Variants in RPTOR observed in about 807,000 individuals in gnomAD.
The protein encoded by RPTOR is regulatory-associated protein of mTOR.
In RPTOR, 21 loss-of-function variants were observed where a neutral mutation model predicts 169.9. The observed-to-expected ratio is 0.12, with a 90% confidence interval of 0.09 to 0.18. The LOEUF is 0.18. RPTOR is among the 10% of genes least tolerant of loss of function. The probability of loss-of-function intolerance (pLI) is 1.00; values close to 1 mark genes in which losing one functional copy is unlikely to be tolerated. For synonymous variants in RPTOR, 732 were observed against 753.2 expected (o/e 0.97, Z 0.46); for missense variants, 1,133 against 1,855.9 (o/e 0.61, Z 7.16).
intron 1 of RPTOR, among the ~76,000 whole-genome samples, chr17:80,598,949 T>G (rs2065166036): frequency 6.6e-6 from 1 of 151,000 alleles, no homozygotes; most frequent in Non-Finnish European, 1.5e-5. Flanking sequence ...TGGGTCTTGC[T>G]CTGTTGCCCA....
At chr17:80,852,943 A>G (rs2067809554) in intron 11 of RPTOR, among the ~76,000 whole-genome samples, 2 of 149,338 alleles carry the variant, frequency 1.3e-5, no homozygotes, top group Non-Finnish European at 3.0e-5. Flanking sequence ...GGGTTTTCAA[A>G]CTCATCCCAA....
In RPTOR at chr17:80,964,501, C is replaced by T. The variant is rs2069399737; in HGVS notation, c.*171C>T. On this transcript the variant is annotated 3_prime_UTR_variant, in exon 34 of 34. Transcript: ENST00000306801. Reference sequence around the variant, plus strand: ...TGCTACTCGCTTTTGTCTGTCTTCGCTGTCGTGTCTGGAATGTCAGGGAAG... The same window carrying T: ...TGCTACTCGCTTTTGTCTGTCTTCGTTGTCGTGTCTGGAATGTCAGGGAAG... 4.6e-6 allele frequency: 3 copies of T among 650,058 alleles called. No homozygotes were observed. Among genetic ancestry groups the T allele is most frequent in the South Asian group, 3.7e-5 (2 of 54,352 alleles). 40.3% of individuals were successfully genotyped at this position (650,058 alleles called of 1,614,324 possible).
intron 12 of RPTOR, 60 bp downstream of exon 12, chr17:80,855,607 T>A (rs1358308590): frequency 1.6e-6 from 2 of 1,247,382 alleles, no homozygotes; most frequent in African/African-American, 1.5e-5. Context: ...TTAGGCTCCG[T>A]GTTTCAGTCT....
chr17:80,868,777 G>A (rs1464920987), intron 13 of RPTOR, among the ~76,000 whole-genome samples: 1 of 152,214 alleles, frequency 6.6e-6, no homozygotes, highest in Non-Finnish European at 1.5e-5. Flanking sequence ...TCCATGCGAT[G>A]AAATCGTACT....
intron 4 of RPTOR, among the ~76,000 whole-genome samples, chr17:80,716,365 ATCT>A (rs761471958): frequency 2.6e-5 from 4 of 152,020 alleles, no homozygotes; most frequent in Admixed American, 1.3e-4. Context: ...CCATTTGTAT[ATCT>A]TCTTCTGATA....
chr17:80,636,784 G>A (rs2065510620), intron 2 of RPTOR, among the ~76,000 whole-genome samples: 1 of 152,146 alleles, frequency 6.6e-6, no homozygotes, highest in African/African-American at 2.4e-5. Flanking sequence ...CCCCAGTGCT[G>A]CATGGGGAGC....
intron 1 of RPTOR, among the ~76,000 whole-genome samples, chr17:80,618,017 G>A (rs953445132): frequency 6.9e-6 from 1 of 145,448 alleles, no homozygotes; most frequent in Non-Finnish European, 1.5e-5. Flanking sequence ...GTCTTGCTCT[G>A]TCACCCAGGG....
intron 20 of RPTOR, among the ~76,000 whole-genome samples, chr17:80,896,445 TGCCGACACCCCACAC>T (rs2068403478): frequency 1.5e-5 from 1 of 68,596 alleles, no homozygotes; most frequent in African/African-American, 5.5e-5. Flanking sequence ...CCCACGGCCA[TGCCGACACCCCACAC>T]GGCCGCACCG....
intron 2 of RPTOR, among the ~76,000 whole-genome samples, chr17:80,626,162 C>T (rs1283192579): frequency 1.3e-5 from 2 of 152,250 alleles, no homozygotes; most frequent in South Asian, 2.1e-4. Context: ...AAGCCATTCT[C>T]ATGGCTCAGC....
At chr17:80,690,208 A>G (rs2065979020) in intron 3 of RPTOR, among the ~76,000 whole-genome samples, 1 of 151,502 alleles carries the variant, frequency 6.6e-6, no homozygotes, top group South Asian at 2.1e-4. Context: ...GCCCCCACCC[A>G]GTCCCCCCTT....
At chr17:80,906,030 G>T (rs753775767) in intron 20 of RPTOR, among the ~76,000 whole-genome samples, 13 of 152,208 alleles carry the variant, frequency 8.5e-5, no homozygotes, top group Non-Finnish European at 1.5e-4. Flanking sequence ...TAATCAAGGG[G>T]AGTGGGTCTC....
intron 13 of RPTOR, among the ~76,000 whole-genome samples, chr17:80,876,753 G>C (rs12948430): frequency 1.1e-5 from 1 of 92,776 alleles, no homozygotes; most frequent in Non-Finnish European, 2.1e-5. Flanking sequence ...CCCGTGCCAC[G>C]CAGGGTGTGT....
chr17:80,644,528 C>T (rs2065578580), intron 3 of RPTOR, among the ~76,000 whole-genome samples: 1 of 152,100 alleles, frequency 6.6e-6, no homozygotes, highest in African/African-American at 2.4e-5. Flanking sequence ...CTATATTCAG[C>T]TTTGCATGAT....
chr17:80,636,593 C>T (rs775070595), intron 2 of RPTOR, among the ~76,000 whole-genome samples: 4 of 152,162 alleles, frequency 2.6e-5, no homozygotes, highest in Non-Finnish European at 5.9e-5. Flanking sequence ...GAAACACGAT[C>T]GCCTCCTGAA....
chr17:80,685,627 A>ATATATTTTTTTTT (rs1269766086), intron 3 of RPTOR, among the ~76,000 whole-genome samples: 2 of 30,678 alleles, frequency 6.5e-5, no homozygotes, highest in Non-Finnish European at 5.4e-5. Flanking sequence ...ATATATATAT[A>ATATATTTTTTTTT]TTTTTTTTTT....
intron 3 of RPTOR, among the ~76,000 whole-genome samples, chr17:80,700,493 A>G (rs1158757943): frequency 5.3e-4 from 50 of 94,682 alleles, no homozygotes; most frequent in Middle Eastern, 6.8e-3. Context: ...GGTGGTGGTG[A>G]TGGTAGAGAT....
At chr17:80,824,250 T>C (rs2067414675) in intron 9 of RPTOR, among the ~76,000 whole-genome samples, 2 of 152,240 alleles carry the variant, frequency 1.3e-5, no homozygotes, top group South Asian at 4.1e-4. Context: ...AAAGCATGCA[T>C]GATCTGTATC....
At chr17:80,649,138 A>G (rs2065619228) in intron 3 of RPTOR, among the ~76,000 whole-genome samples, 1 of 152,254 alleles carries the variant, frequency 6.6e-6, no homozygotes, top group African/African-American at 2.4e-5. Flanking sequence ...TTTCAGGCTC[A>G]GATATGGATA....
intron 1 of RPTOR, among the ~76,000 whole-genome samples, chr17:80,605,957 C>T (rs2065225458): frequency 6.6e-6 from 1 of 152,110 alleles, no homozygotes; most frequent in South Asian, 2.1e-4. Context: ...TTGGTAGGTG[C>T]TAGGTGAATC....
Sources: gnomAD v4.1 joint callset for allele counts (sites outside exome capture counted in the v4.1 genomes callset) on GRCh38, gnomAD v4.1.1 for gene constraint, MANE v1.5 for transcripts, NCBI Gene and HGNC (gene_info 2026-07-23, HGNC 2026-07-21) for gene names.